Variants in TRDN observed in about 807,000 individuals in gnomAD.
TRDN encodes triadin in skeletal muscle.
Under a neutral mutation model 149.7 loss-of-function variants are expected in TRDN, and 161 were observed. That is an observed-to-expected ratio of 1.08 (90% CI 0.95 to 1.23). TRDN has a LOEUF of 1.23. Ranked by LOEUF, TRDN falls within the 50% of genes most tolerant of loss-of-function variation. The pLI, the probability that TRDN is intolerant of heterozygous loss-of-function variation, is 0.00. For synonymous variants in TRDN, 294 were observed against 250.5 expected, an observed-to-expected ratio of 1.17 and a Z score of -1.64; for missense variants, 896 against 823.5, an observed-to-expected ratio of 1.09 and a Z score of -1.08.
intron 9 of TRDN, chr6:123,489,493 G>A (rs991696238): frequency 6.6e-6 from 1 of 151,864 alleles, no homozygotes; most frequent in Non-Finnish European, 1.5e-5. Context: ...TGACTTATTT[G>A]TTTTCTTATA....
intron 27 of TRDN, 104 bp from the exon 28 acceptor site, chr6:123,273,467 C>G: frequency 3.7e-6 from 2 of 545,242 alleles, no homozygotes; most frequent in Non-Finnish European, 5.3e-6. Context: ...GCATAACTAG[C>G]TTTAAATAGT....
intron 7 of TRDN, 41 bp from the exon 8 acceptor site, chr6:123,503,942 T>C (rs1315981057): frequency 6.6e-7 from 1 of 1,508,786 alleles, no homozygotes; most frequent in South Asian, 1.3e-5. Flanking sequence ...TTTGTTTATT[T>C]ACAAACATAA....
intron 26 of TRDN, 138 bp downstream of exon 26, chr6:123,278,180 T>A: frequency 1.8e-6 from 1 of 552,436 alleles, no homozygotes; most frequent in Non-Finnish European, 2.8e-6. Context: ...AATATATATT[T>A]TGTTAGTTTT....
At chr6:123,352,010 T>A in intron 21 of TRDN, 2 of 977,514 alleles carry the variant, frequency 2.0e-6, no homozygotes, top group Non-Finnish European at 2.4e-6. Context: ...ACCATTATGA[T>A]TTATAACACT....
chr6:123,274,229 C>T (rs1265592517), intron 27 of TRDN, among the ~76,000 whole-genome samples: 1 of 152,004 alleles, frequency 6.6e-6, no homozygotes, highest in Non-Finnish European at 1.5e-5. Context: ...AATTCTTGCT[C>T]TCATTCCCTT....
At chr6:123,414,543 T>C (rs1773573920) in intron 12 of TRDN, among the ~76,000 whole-genome samples, 1 of 152,104 alleles carries the variant, frequency 6.6e-6, no homozygotes, top group Non-Finnish European at 1.5e-5. Flanking sequence ...AATCAAATCT[T>C]TTATTCTGTA....
At chr6:123,385,038 G>A (rs1421664299) in intron 14 of TRDN, among the ~76,000 whole-genome samples, 4 of 152,148 alleles carry the variant, frequency 2.6e-5, no homozygotes, top group African/African-American at 9.7e-5. Flanking sequence ...TGATTTAAAA[G>A]CAGTGATGTG....
chr6:123,232,388 G>C (rs955779260), intron 38 of TRDN, among the ~76,000 whole-genome samples: 1 of 152,004 alleles, frequency 6.6e-6, no homozygotes, highest in African/African-American at 2.4e-5. Context: ...TGGGGAGACT[G>C]TTGGGGCAGA....
intron 26 of TRDN, among the ~76,000 whole-genome samples, chr6:123,276,564 A>C (rs969463773): frequency 1.3e-5 from 2 of 152,192 alleles, no homozygotes; most frequent in Non-Finnish European, 2.9e-5. Flanking sequence ...TTCTCAGCCT[A>C]TCTAGACAGT....
At chr6:123,431,030 T>C (rs574826130) in intron 12 of TRDN, among the ~76,000 whole-genome samples, 3 of 152,220 alleles carry the variant, frequency 2.0e-5, no homozygotes, top group Non-Finnish European at 2.9e-5. Context: ...TCTCTTATTC[T>C]CAAATGTTTA....
At chr6:123,385,203 G>A (rs997003379) in intron 14 of TRDN, among the ~76,000 whole-genome samples, 11 of 152,078 alleles carry the variant, frequency 7.2e-5, no homozygotes, top group South Asian at 2.1e-4. Flanking sequence ...TGAGGAGTGC[G>A]GATCACTAGG....
At chr6:123,624,813 C>T (rs925250714) in intron 1 of TRDN, among the ~76,000 whole-genome samples, 52 of 152,124 alleles carry the variant, frequency 3.4e-4, no homozygotes, top group African/African-American at 1.2e-3. Context: ...GGATGGAAAT[C>T]AGCAATAGAG....
intron 29 of TRDN, among the ~76,000 whole-genome samples, chr6:123,271,771 T>C (rs1777214319): frequency 6.6e-6 from 1 of 152,004 alleles, no homozygotes; most frequent in Non-Finnish European, 1.5e-5. Context: ...TCACACTGGG[T>C]ATGAATCAAC....
At chr6:123,603,956 T>C (rs1784399214) in intron 1 of TRDN, among the ~76,000 whole-genome samples, 1 of 152,194 alleles carries the variant, frequency 6.6e-6, no homozygotes, top group African/African-American at 2.4e-5. Flanking sequence ...ATATGTTGTT[T>C]AGAAAATGTA....
intron 24 of TRDN, among the ~76,000 whole-genome samples, chr6:123,297,335 T>C (rs1202060152): frequency 1.3e-5 from 2 of 151,948 alleles, no homozygotes; most frequent in African/African-American, 4.8e-5. Flanking sequence ...TGTTCAAAGG[T>C]GATTAAAGTG....
chr6:123,381,304 A>G (rs374457578), intron 16 of TRDN, 66 bp downstream of exon 16: 70 of 1,443,754 alleles, frequency 4.8e-5, no homozygotes, highest in African/African-American at 4.5e-4. Context: ...AGGTCTAAAT[A>G]CAGCAGCAGG....
Position 123,284,092 on chromosome 6 carries a change from C to CA in TRDN, c.1511-5011dup, listed in dbSNP as rs750434961. Reference sequence around the variant, plus strand: ...AATGCACTAACTCTTGCCCCCCCCCCAAAAATTGGTACCAATTCTGTTGAC... The same window carrying CA: ...AATGCACTAACTCTTGCCCCCCCCCCAAAAAATTGGTACCAATTCTGTTGAC... On this transcript the variant is annotated intron_variant, in intron 24 of 40. Transcript: ENST00000334268. Among the ~76,000 whole-genome samples the CA allele has an allele frequency of 1.0e-3, 132 of 131,994 alleles. 1 individual carries two copies. The highest frequency in any genetic ancestry group is 2.1e-3 in the African/African-American group (73 of 35,026). The allele number at this position is 131,994 out of a possible 152,430, so 86.6% of individuals were successfully genotyped here.
chr6:123,528,492 T>C (rs1780060637), intron 5 of TRDN, among the ~76,000 whole-genome samples: 1 of 151,990 alleles, frequency 6.6e-6, no homozygotes. Context: ...ATCTTTTTGG[T>C]CTCAGATATT....
chr6:123,271,059 G>T, intron 30 of TRDN, 80 bp downstream of exon 30: 1 of 751,366 alleles, frequency 1.3e-6, no homozygotes, highest in Non-Finnish European at 2.1e-6. Context: ...GTGTGTGTGT[G>T]TGTGTCTGCA....
Sources: gnomAD v4.1 joint callset for allele counts (sites outside exome capture counted in the v4.1 genomes callset) on GRCh38, gnomAD v4.1.1 for gene constraint, MANE v1.5 for transcripts, NCBI Gene and HGNC (gene_info 2026-07-23, HGNC 2026-07-21) for gene names.